The following NOXRED1 variants were observed in gnomAD, a reference collection of about 807,000 sequenced individuals.
NOXRED1 encodes NADP-dependent oxidoreductase domain-containing protein 1.
A neutral mutation model predicts 30.4 loss-of-function variants in NOXRED1; 20 were observed. The observed-to-expected ratio is 0.66, with a 90% CI of 0.46 to 0.96. The LOEUF (loss-of-function observed/expected upper bound fraction) is 0.96. Among genes scored for constraint, NOXRED1 ranks in the 40% least tolerant of loss-of-function variants. NOXRED1 has a pLI of 0.00. For synonymous variants in NOXRED1, 155 were observed against 168.0 expected (o/e 0.92, Z 0.60); for missense variants, 374 against 428.0 (o/e 0.87, Z 1.11).
chr14:77,424,225 C>A (rs562285952), upstream of NOXRED1, among the ~76,000 whole-genome samples: 2 of 152,146 alleles, frequency 1.3e-5, no homozygotes, highest in African/African-American at 2.4e-5. Context: ...CCGAGGCAGG[C>A]GGATCGCTTG....
At chr14:77,395,860 G>A (rs1894164486) in intron 5 of NOXRED1, among the ~76,000 whole-genome samples, 1 of 151,988 alleles carries the variant, frequency 6.6e-6, no homozygotes, top group African/African-American at 2.4e-5. Context: ...GCAACATTAA[G>A]TATTAGTCTA....
At chr14:77,416,027 C>T (rs1050361002) in intron 1 of NOXRED1, among the ~76,000 whole-genome samples, 13 of 152,134 alleles carry the variant, frequency 8.5e-5, no homozygotes, top group African/African-American at 2.2e-4. Flanking sequence ...AAACTCTATA[C>T]AATTTTTCTC....
rs139874615 is a variant in NOXRED1, at chr14:77,407,329, G to A, written c.530+136C>T. ...GATTGGCTAACTATGTTCTTCTACA[G>A]ATAAAGCTGCTTCCTCCTTATTACT... On this transcript the variant is annotated intron_variant, in intron 3 of 5. Coordinates refer to ENST00000380835, the MANE Select transcript of NOXRED1 (RefSeq NM_001113475.3). 8.7e-4 allele frequency: 597 copies of A among 688,218 alleles called. 1 individual carries two copies. The African/African-American group carries it at 9.5e-3, about 11-fold the overall frequency. The allele number at this position is 688,218 out of a possible 1,614,324, so 42.6% of individuals were successfully genotyped here. A position where few individuals can be genotyped will look rare whatever the true frequency, so the allele number is the denominator to read the frequency against.
Position 77,394,330 on chromosome 14 carries a change from C to A in NOXRED1, c.*301G>T. 4.8e-6 allele frequency: 1 copy of A among 206,496 alleles called. No homozygotes were observed. The highest frequency in any genetic ancestry group is 9.6e-6 in the Non-Finnish European group (1 of 104,106). The allele number at this position is 206,496 out of a possible 1,614,324, so 12.8% of individuals were successfully genotyped here. The stretch of plus-strand genomic sequence containing the variant: ...TCTAAAACTTATAACATTATAACTT[C>A]TTTAATTTTAGAAGAGAAATAATTT... On this transcript the variant is annotated 3_prime_UTR_variant, in exon 6 of 6. Transcript: ENST00000380835.
At chr14:77,413,667 AGCT>A (rs1894722735) in intron 2 of NOXRED1, among the ~76,000 whole-genome samples, 1 of 152,206 alleles carries the variant, frequency 6.6e-6, no homozygotes, top group Non-Finnish European at 1.5e-5. Flanking sequence ...CTGTATGGAA[AGCT>A]TCCCTGTATC....
At chr14:77,405,687 T>G (rs1894438927) in intron 5 of NOXRED1, among the ~76,000 whole-genome samples, 1 of 152,238 alleles carries the variant, frequency 6.6e-6, no homozygotes, top group African/African-American at 2.4e-5. Flanking sequence ...TATAAATGTT[T>G]GTAAATGCAT....
intron 5 of NOXRED1, 21 bp downstream of exon 5, chr14:77,405,892 C>T: frequency 2.1e-6 from 3 of 1,433,114 alleles, no homozygotes; most frequent in Non-Finnish European, 3.0e-6. Flanking sequence ...ATGAGAATGG[C>T]CAGCTGTCCA....
intron 2 of NOXRED1, 45 bp from the exon 3 acceptor site, chr14:77,407,690 T>C: frequency 7.2e-7 from 1 of 1,389,204 alleles, no homozygotes; most frequent in Non-Finnish European, 1.0e-6. Context: ...TACTAAAGAG[T>C]TTGACCTGAA....
At chr14:77,410,163 T>C (rs1288968166) in intron 2 of NOXRED1, among the ~76,000 whole-genome samples, 1 of 151,536 alleles carries the variant, frequency 6.6e-6, no homozygotes, top group Non-Finnish European at 1.5e-5. Flanking sequence ...CCAGGTGTGG[T>C]GACTTACTCC....
At chr14:77,399,889 A>G (rs1359539940) in intron 5 of NOXRED1, among the ~76,000 whole-genome samples, 2 of 152,188 alleles carry the variant, frequency 1.3e-5, no homozygotes, top group Non-Finnish European at 2.9e-5. Flanking sequence ...GACACCAAGC[A>G]GGATAAATAA....
upstream of NOXRED1, among the ~76,000 whole-genome samples, chr14:77,425,962 G>A (rs1594886130): frequency 2.0e-5 from 3 of 152,326 alleles, no homozygotes; most frequent in South Asian, 2.1e-4. Context: ...GTGGTGGCAC[G>A]TGCCTGTAGT....
At chr14:77,403,236 A>G (rs1407421120) in intron 5 of NOXRED1, among the ~76,000 whole-genome samples, 1 of 152,228 alleles carries the variant, frequency 6.6e-6, no homozygotes, top group Non-Finnish European at 1.5e-5. Context: ...TTGACAAACT[A>G]CTAGAAGGAA....
At chr14:77,422,008 A>G in intron 1 of NOXRED1, among the ~76,000 whole-genome samples, 1 of 152,202 alleles carries the variant, frequency 6.6e-6, no homozygotes, top group East Asian at 1.9e-4. Flanking sequence ...TTCACTGAGA[A>G]GCCTGCCTCC....
At chr14:77,424,398 C>T (rs1010529090), upstream of NOXRED1, among the ~76,000 whole-genome samples, 3 of 152,138 alleles carry the variant, frequency 2.0e-5, no homozygotes, top group South Asian at 4.1e-4. Context: ...GGGAGATGGA[C>T]GTTGGTTGCA....
intron 2 of NOXRED1, among the ~76,000 whole-genome samples, chr14:77,413,574 A>T (rs982250410): frequency 2.6e-5 from 4 of 152,048 alleles, no homozygotes; most frequent in Non-Finnish European, 5.9e-5. Context: ...TGTCATTTTT[A>T]AAAATATAAG....
At position 77,406,014 on chromosome 14, in the gene NOXRED1, G is replaced by A. The variant is rs766454657; in HGVS notation, c.804C>T (p.Ser268=). Residue 268 remains serine (S), a synonymous_variant, in exon 5 of 6, where the codon TCC becomes TCT. Coordinates refer to ENST00000380835, the MANE Select transcript of NOXRED1 (RefSeq NM_001113475.3). The part of the protein sequence containing the change: ...VLQLLSELFL[S]VHFEDCGKDT... The stretch of plus-strand genomic sequence containing the variant: ...CTTTCCCACAGTCTTCAAAGTGCAC[G>A]GAGAGAAAGAGTTCACTCAGAAGCT... 43 of 1,613,368 alleles carry A rather than the reference G, an allele frequency of 2.7e-5. No homozygotes were observed. The South Asian group carries it at 2.9e-4, about 11-fold the overall frequency.
intron 3 of NOXRED1, 122 bp from the exon 4 acceptor site, chr14:77,406,997 G>T (rs1894487291): frequency 1.2e-6 from 1 of 828,724 alleles, no homozygotes; most frequent in Non-Finnish European, 1.9e-6. Flanking sequence ...GATAAATGCG[G>T]GTCTGGGTCT....
At chr14:77,419,738 A>G (rs176780) in intron 1 of NOXRED1, among the ~76,000 whole-genome samples, 145,233 of 151,892 alleles carry the variant, frequency 0.96, 69,749 homozygotes, top group East Asian at 1. Flanking sequence ...GTGAGCCACC[A>G]CACCTGACCA....
upstream of NOXRED1, among the ~76,000 whole-genome samples, chr14:77,425,578 A>AGGTT (rs1481526604): frequency 6.6e-6 from 1 of 152,222 alleles, no homozygotes; most frequent in African/African-American, 2.4e-5. Context: ...ACTAAATATG[A>AGGTT]GGTTACCTGG....
Sources: gnomAD v4.1 joint callset for allele counts (sites outside exome capture counted in the v4.1 genomes callset) on GRCh38, gnomAD v4.1.1 for gene constraint, MANE v1.5 for transcripts, NCBI Gene and HGNC (gene_info 2026-07-23, HGNC 2026-07-21) for gene names.